The following ADRA1B variants were observed in gnomAD, a reference collection of about 807,000 sequenced individuals.
The protein encoded by ADRA1B is alpha-1B adrenergic receptor.
Under a neutral mutation model 17.9 loss-of-function variants are expected in ADRA1B, and 17 were observed. The observed-to-expected ratio is 0.95, with a 90% CI of 0.65 to 1.42. The LOEUF (loss-of-function observed/expected upper bound fraction) is 1.42. Ranked by LOEUF, ADRA1B falls within the 40% of genes most tolerant of loss-of-function variation. The pLI, the probability that ADRA1B is intolerant of heterozygous loss-of-function variation, is 0.00. For missense variants in ADRA1B, 681 were observed against 722.1 expected, an observed-to-expected ratio of 0.94 and a Z score of 0.65; for synonymous variants, 366 against 327.6, an observed-to-expected ratio of 1.12 and a Z score of -1.27.
chr5:159,866,680 C>T (rs983732695), intron 1 of ADRA1B, among the ~76,000 whole-genome samples: 3 of 151,912 alleles, frequency 2.0e-5, no homozygotes, highest in Non-Finnish European at 4.4e-5. Flanking sequence ...CCATTATGTG[C>T]TTTTATGGGA....
chr5:159,898,616 C>T (rs1754061947), intron 1 of ADRA1B, among the ~76,000 whole-genome samples: 1 of 152,224 alleles, frequency 6.6e-6, no homozygotes, highest in Non-Finnish European at 1.5e-5. Context: ...TATTGGCAGT[C>T]ACTATCTAAA....
At chr5:159,886,501 G>C (rs1006927084) in intron 1 of ADRA1B, among the ~76,000 whole-genome samples, 4 of 152,128 alleles carry the variant, frequency 2.6e-5, no homozygotes, top group Non-Finnish European at 5.9e-5. Context: ...ATTTCATCTT[G>C]ATTCAGTGAG....
chr5:159,902,043 T>C (rs1328431252), intron 1 of ADRA1B, among the ~76,000 whole-genome samples: 1 of 152,268 alleles, frequency 6.6e-6, no homozygotes, highest in East Asian at 1.9e-4. Flanking sequence ...AAGATATTTA[T>C]GCACCCATGT....
At chr5:159,920,139 A>C (rs1431637000) in intron 1 of ADRA1B, among the ~76,000 whole-genome samples, 1 of 152,192 alleles carries the variant, frequency 6.6e-6, no homozygotes, top group Admixed American at 6.5e-5. Context: ...CTGCAGGTAT[A>C]ATCAGCCCAC....
chr5:159,945,998 C>T (rs2113246462), intron 1 of ADRA1B, among the ~76,000 whole-genome samples: 1 of 152,264 alleles, frequency 6.6e-6, no homozygotes, highest in South Asian at 2.1e-4. Flanking sequence ...CCGCCCACCT[C>T]GGCCTCCCAA....
intron 1 of ADRA1B, among the ~76,000 whole-genome samples, chr5:159,874,789 C>T (rs1246124263): frequency 2.0e-5 from 3 of 152,222 alleles, no homozygotes; most frequent in African/African-American, 7.2e-5. Context: ...GAAAGTTGGT[C>T]TAACAAAGGT....
chr5:159,975,503 A>G (rs1294594643), downstream of ADRA1B, among the ~76,000 whole-genome samples: 1 of 152,220 alleles, frequency 6.6e-6, no homozygotes, highest in Non-Finnish European at 1.5e-5. Flanking sequence ...CACTGGGCAG[A>G]TGCAAGTTAT....
chr5:159,965,074 ATGT>A lies in ADRA1B; in HGVS notation c.950-6804_950-6802del, dbSNP rs1211293901. ...TTGAACCCAGATCTACCTACCTGTG[ATGT>A]CTGAGCAGGTCCTTAACCACTAAAC... On this transcript the variant is annotated intron_variant, in intron 1 of 1. Transcript: ENST00000306675. Among the ~76,000 whole-genome samples the A allele has an allele frequency of 7.1e-3, 1,086 of 152,286 alleles. 13 individuals are homozygous for A. The highest frequency in any genetic ancestry group is 0.025 in the African/African-American group (1,029 of 41,560).
chr5:159,946,414 G>A lies in ADRA1B; in HGVS notation c.950-25465G>A, dbSNP rs192531333. On this transcript the variant is annotated intron_variant, in intron 1 of 1. Coordinates refer to ENST00000306675, the MANE Select transcript of ADRA1B (RefSeq NM_000679.4). Reference sequence around the variant, plus strand: ...ATGGCCGTGTCAATATTCACAAAATGAACACATCCCGGTAAGCAGCACCAA... The same window carrying A: ...ATGGCCGTGTCAATATTCACAAAATAAACACATCCCGGTAAGCAGCACCAA... 9.7e-4 allele frequency among the ~76,000 whole-genome samples: 147 copies of A among 152,276 alleles called. 2 individuals are homozygous for A. The highest frequency in any genetic ancestry group is 1.2e-3 in the Admixed American group (19 of 15,296).
the ADRA1B span, among the ~76,000 whole-genome samples, chr5:159,983,377 C>A: frequency 6.6e-6 from 1 of 152,206 alleles, no homozygotes; most frequent in African/African-American, 2.4e-5. Flanking sequence ...CAGAGAGCAC[C>A]AGATGCCTTC....
rs1047788737 is a variant in ADRA1B, at chr5:159,916,766, G to T, written c.-140G>T. The stretch of plus-strand genomic sequence containing the variant: ...GACGTGCTGCCGGGCTGGGCTGCCC[G>T]GGGGAGATGACTCCTCGCCAGGAGG... On this transcript the variant is annotated 5_prime_UTR_variant, in exon 1 of 2. Coordinates refer to ENST00000306675, the MANE Select transcript of ADRA1B (RefSeq NM_000679.4). 4 of 780,968 alleles carry T rather than the reference G, an allele frequency of 5.1e-6. No individual in the cohort carries two copies. The East Asian group carries it at 8.1e-5, about 16-fold the overall frequency. 48.4% of individuals were successfully genotyped at this position (780,968 alleles called of 1,614,324 possible).
intron 1 of ADRA1B, among the ~76,000 whole-genome samples, chr5:159,894,411 T>C (rs1206028014): frequency 1.3e-5 from 2 of 152,202 alleles, no homozygotes; most frequent in Admixed American, 6.5e-5. Context: ...CTCTACTCCG[T>C]AGAATCCAGG....
chr5:159,988,132 G>T, the ADRA1B span, among the ~76,000 whole-genome samples: 1 of 152,156 alleles, frequency 6.6e-6, no homozygotes, highest in Non-Finnish European at 1.5e-5. Context: ...AAGACAATGT[G>T]ACAACAGAAG....
At chr5:159,955,037 G>A in intron 1 of ADRA1B, 1 of 606,814 alleles carries the variant, frequency 1.6e-6, no homozygotes. Context: ...CTGGAACCTG[G>A]AGAATGGCAT....
At chr5:159,947,668 C>T in intron 1 of ADRA1B, 1 of 979,208 alleles carries the variant, frequency 1.0e-6, no homozygotes, top group Non-Finnish European at 1.2e-6. Context: ...GGGGACCTGG[C>T]TATGACTTTG....
chr5:159,972,212 C>T lies in ADRA1B; in HGVS notation c.1283C>T (p.Pro428Leu). ...ACCCTGCCCTCGGCCTCGCCGAGCC[C>T]GGGCTACCTGGGCCGCGGCGCGCCA... ...QRTLPSASPS[P>L]GYLGRGAPPP... The change falls in exon 2 of 2, where the codon CCG becomes CTG. Residue 428 changes from proline (P) to leucine (L), a missense_variant. This residue lies in a region of ADRA1B where 251 missense variants were observed against 224.9 expected (regional missense o/e 1.12). Coordinates refer to ENST00000306675, the MANE Select transcript of ADRA1B (RefSeq NM_000679.4). 1 of 1,335,594 alleles carries T rather than the reference C, an allele frequency of 7.5e-7. No individual in the cohort carries two copies. The highest frequency in any genetic ancestry group is 9.6e-7 in the Non-Finnish European group (1 of 1,039,074). The allele number at this position is 1,335,594 out of a possible 1,614,324, so 82.7% of individuals were successfully genotyped here.
intron 1 of ADRA1B, among the ~76,000 whole-genome samples, chr5:159,896,612 T>C (rs1482074843): frequency 2.0e-5 from 3 of 152,206 alleles, no homozygotes; most frequent in Non-Finnish European, 4.4e-5. Context: ...GGAAACGAAA[T>C]ATGATGTGAA....
At chr5:159,926,616 G>C (rs1754659167) in intron 1 of ADRA1B, among the ~76,000 whole-genome samples, 1 of 152,162 alleles carries the variant, frequency 6.6e-6, no homozygotes, top group East Asian at 1.9e-4. Flanking sequence ...GCCAGCCATG[G>C]TGGCTCAAAC....
At chr5:159,955,764 C>G (rs2113271590) in intron 1 of ADRA1B, among the ~76,000 whole-genome samples, 1 of 152,214 alleles carries the variant, frequency 6.6e-6, no homozygotes, top group Non-Finnish European at 1.5e-5. Flanking sequence ...AGGAGGGGGC[C>G]CTGGTAGCTA....
Sources: gnomAD v4.1 joint callset for allele counts (sites outside exome capture counted in the v4.1 genomes callset) on GRCh38, gnomAD v4.1.1 for gene constraint, gnomAD v4.1.1 regional missense constraint, MANE v1.5 for transcripts, NCBI Gene and HGNC (gene_info 2026-07-23, HGNC 2026-07-21) for gene names.